The following CTTNBP2 variants were observed in gnomAD, a reference collection of about 807,000 sequenced individuals.
CTTNBP2 encodes the protein cortactin-binding protein 2.
CTTNBP2 carries 108 observed loss-of-function variants against 156.9 expected under a neutral mutation model. That is an observed-to-expected ratio of 0.69 (90% CI 0.59 to 0.81). The LOEUF (loss-of-function observed/expected upper bound fraction) is 0.81, where lower values mean the gene tolerates loss of function less well. Among genes scored for constraint, CTTNBP2 ranks in the 30% least tolerant of loss-of-function variants. The pLI, the probability that CTTNBP2 is intolerant of heterozygous loss-of-function variation, is 0.00. For missense variants in CTTNBP2, 1,924 were observed against 2,035.4 expected, an observed-to-expected ratio of 0.95 and a Z score of 1.05; for synonymous variants, 767 against 751.8, an observed-to-expected ratio of 1.02 and a Z score of -0.33.
chr7:117,715,549 G>C (rs1794304851), intron 22 of CTTNBP2, among the ~76,000 whole-genome samples: 1 of 150,002 alleles, frequency 6.7e-6, no homozygotes, highest in Non-Finnish European at 1.5e-5. Flanking sequence ...TCCTTTCAGA[G>C]GATTAGTTTG....
At position 117,710,966 on chromosome 7, in the gene CTTNBP2, T is replaced by A; in HGVS notation, c.*571A>T. 6.6e-6 allele frequency: 1 copy of A among 152,574 alleles called. No individual in the cohort carries two copies. Among genetic ancestry groups the A allele is most frequent in the African/African-American group, 2.4e-5 (1 of 41,422 alleles). The allele number at this position is 152,574 out of a possible 1,614,324, so 9.5% of individuals were successfully genotyped here. ...AAATGGCAATGTAACCACTAAGAGA[T>A]TTAAAACATAAAACTAGAATTTAAC... On this transcript the variant is annotated 3_prime_UTR_variant, in exon 23 of 23. Transcript: ENST00000160373.
chr7:117,792,599 C>T lies in CTTNBP2; in HGVS notation c.597G>A (p.Leu199=). The change falls in exon 4 of 23, where the codon CTG becomes CTA. Residue 199 remains leucine (L), a synonymous_variant. Transcript: ENST00000160373. This position sits in a 1 kb window ranked among gnomAD's most constrained non-coding sequence, Gnocchi z 4.2. ...AQKLEDVMAK[L]EEEKKKTNEL... ...CATTCGTCTTTTTCTTTTCCTCTTC[C>T]AGTTTGGCCATTACGTCTTCGAGCT... The T allele has an allele frequency of 6.2e-7, 1 of 1,614,148 alleles. No homozygotes were observed. Among genetic ancestry groups the T allele is most frequent in the Non-Finnish European group, 8.5e-7 (1 of 1,180,036 alleles).
At chr7:117,783,038 T>TA in intron 5 of CTTNBP2, 77 bp from the exon 6 acceptor site, 1 of 1,014,482 alleles carries the variant, frequency 9.9e-7, no homozygotes, top group Non-Finnish European at 1.5e-6. Flanking sequence ...AAGCTGTAGA[T>TA]AGATTCTAAT....
rs747542649 is a variant in CTTNBP2 at position 117,745,852 on chromosome 7, G to C, written c.3514C>G (p.Leu1172Val). 2.0e-5 allele frequency: 33 copies of C among 1,612,940 alleles called. No individual in the cohort carries two copies. The highest frequency in any genetic ancestry group is 2.7e-5 in the Non-Finnish European group (32 of 1,179,024). ...TTACCGCTACTAATGAACAGGTCTA[G>C]TAGCTGTTCCTTGGAAAAACCAGCA... ...VDAGFSKEQL[L>V]DLFISSACLI... Residue 1172 changes from leucine (L) to valine (V), a missense_variant, in exon 14 of 23, where the codon CTA becomes GTA. Leu to Val is a conservative substitution (Grantham distance 32). Coordinates refer to ENST00000160373, the MANE Select transcript of CTTNBP2 (RefSeq NM_033427.3).
Position 117,767,140 on chromosome 7 carries a change from C to G in CTTNBP2, c.2815G>C (p.Glu939Gln), listed in dbSNP as rs925016763. 7 of 1,612,488 alleles carry G rather than the reference C, an allele frequency of 4.3e-6. No homozygotes were observed. The change falls in exon 9 of 23, where the codon GAG becomes CAG. Residue 939 changes from glutamate (E) to glutamine (Q), a missense_variant. By Grantham distance (29) the Glu-to-Gln change is conservative. Coordinates refer to ENST00000160373, the MANE Select transcript of CTTNBP2 (RefSeq NM_033427.3). ...LEILCRHGGL[E>Q]PERRDKCNRT... ...TTGCACTTGTCTCTCCTTTCTGGCT[C>G]AAGCCCTCCGTGCCTACACAAGATT...
intron 8 of CTTNBP2, among the ~76,000 whole-genome samples, chr7:117,772,171 C>T (rs955412899): frequency 3.3e-5 from 5 of 152,144 alleles, no homozygotes; most frequent in African/African-American, 1.2e-4. Flanking sequence ...AGAAAGGCCC[C>T]TCACATGGCA....
intron 2 of CTTNBP2, among the ~76,000 whole-genome samples, chr7:117,818,591 C>T (rs1800763510): frequency 6.6e-6 from 1 of 152,212 alleles, no homozygotes; most frequent in Non-Finnish European, 1.5e-5. Flanking sequence ...AAATCAGCAA[C>T]TCAACCCCAG....
At chr7:117,845,364 T>C (rs1348017919) in intron 2 of CTTNBP2, among the ~76,000 whole-genome samples, 1 of 152,204 alleles carries the variant, frequency 6.6e-6, no homozygotes, top group Non-Finnish European at 1.5e-5. Context: ...CACACATTAC[T>C]GTGTAGAGCA....
intron 7 of CTTNBP2, 57 bp downstream of exon 7, chr7:117,780,384 T>C: frequency 8.3e-7 from 1 of 1,208,932 alleles, no homozygotes; most frequent in Non-Finnish European, 1.1e-6. Flanking sequence ...AGTTATAGAG[T>C]TTACAAATAT....
At chr7:117,865,638 C>T (rs1321038917) in intron 1 of CTTNBP2, among the ~76,000 whole-genome samples, 1 of 142,950 alleles carries the variant, frequency 7.0e-6, no homozygotes, top group African/African-American at 2.6e-5. Flanking sequence ...GATCGTGCCA[C>T]TCCAGCCTGG....
At position 117,839,232 on chromosome 7, in the gene CTTNBP2, T is replaced by C. The variant is rs570324803; in HGVS notation, c.189+21977A>G. ...AAGCACCCAGTCATCAAGAGTTACC[T>C]ACAACTATCTGAGTTTATATATGTA... On this transcript the variant is annotated intron_variant, in intron 2 of 22. Coordinates refer to ENST00000160373, the MANE Select transcript of CTTNBP2 (RefSeq NM_033427.3). 2.8e-3 allele frequency among the ~76,000 whole-genome samples: 420 copies of C among 152,314 alleles called. 4 individuals carry two copies. Among genetic ancestry groups the C allele is most frequent in the Non-Finnish European group, 5.3e-3 (358 of 68,020 alleles).
chr7:117,750,951 G>A (rs1338748617), intron 12 of CTTNBP2, among the ~76,000 whole-genome samples: 1 of 152,172 alleles, frequency 6.6e-6, no homozygotes, highest in Non-Finnish European at 1.5e-5. Context: ...TCCCCTAAGT[G>A]CACATTTATA....
intron 12 of CTTNBP2, among the ~76,000 whole-genome samples, chr7:117,747,492 G>A (rs1796395421): frequency 6.6e-6 from 1 of 152,194 alleles, no homozygotes; most frequent in South Asian, 2.1e-4. Context: ...TGAGCTTTGG[G>A]CCGCACGTGG....
chr7:117,715,085 T>C (rs1367874071), intron 22 of CTTNBP2, among the ~76,000 whole-genome samples: 1 of 152,156 alleles, frequency 6.6e-6, no homozygotes, highest in Admixed American at 6.5e-5. Context: ...ATACACAGCA[T>C]CTACTAGAAG....
chr7:117,811,888 TGTAAAAATTTTAATTAAATTAAAATTTTA>T, intron 2 of CTTNBP2, among the ~76,000 whole-genome samples: 1 of 126,832 alleles, frequency 7.9e-6, no homozygotes, highest in African/African-American at 3.4e-5. Context: ...AAAATTTTAA[TGTAAAAATTTTAATTAAATTAAAATTTTA>T]ATGTAAAAAT....
At chr7:117,842,287 GC>G (rs1168480252) in intron 2 of CTTNBP2, among the ~76,000 whole-genome samples, 1 of 151,992 alleles carries the variant, frequency 6.6e-6, no homozygotes, top group Non-Finnish European at 1.5e-5. Context: ...TACAATCTCT[GC>G]CTCCCAAGTT....
chr7:117,835,596 G>T (rs1334984401), intron 2 of CTTNBP2, among the ~76,000 whole-genome samples: 2 of 152,190 alleles, frequency 1.3e-5, no homozygotes, highest in African/African-American at 4.8e-5. Context: ...GGCCACTCTG[G>T]AGTTCTACCA....
chr7:117,840,624 C>T (rs760275982), intron 2 of CTTNBP2, among the ~76,000 whole-genome samples: 7 of 152,336 alleles, frequency 4.6e-5, no homozygotes, highest in Non-Finnish European at 7.3e-5. Context: ...AAAGCACATA[C>T]GCATTTGTGA....
chr7:117,843,836 T>C (rs1445531048), intron 2 of CTTNBP2, among the ~76,000 whole-genome samples: 1 of 152,174 alleles, frequency 6.6e-6, no homozygotes, highest in East Asian at 1.9e-4. Flanking sequence ...GGCAGAATAA[T>C]GGCCCCCAAA....
Sources: allele counts gnomAD v4.1 joint callset (sites outside exome capture counted in the v4.1 genomes callset), GRCh38; gene constraint gnomAD v4.1.1; non-coding constraint Gnocchi (gnomAD v3.1); transcripts MANE v1.5; gene names NCBI Gene and HGNC (gene_info 2026-07-23, HGNC 2026-07-21).